MDM4: variants seen among roughly 807,000 people sequenced by gnomAD.
The protein encoded by MDM4 is protein Mdm4.
In MDM4, 2 loss-of-function variants were observed where a neutral mutation model predicts 60.2. That is an observed-to-expected ratio of 0.03 (90% confidence interval 0.01 to 0.10). The LOEUF (loss-of-function observed/expected upper bound fraction) is 0.10, where lower values mean the gene tolerates loss of function less well. Among genes scored for constraint, MDM4 ranks in the 10% least tolerant of loss-of-function variants. MDM4 has a pLI of 1.00. For synonymous variants in MDM4, 202 were observed against 198.1 expected, an observed-to-expected ratio of 1.02 and a Z score of -0.17; for missense variants, 447 against 577.5, an observed-to-expected ratio of 0.77 and a Z score of 2.32.
intron 1 of MDM4, among the ~76,000 whole-genome samples, chr1:204,523,012 G>A (rs1659723660): frequency 1.3e-5 from 2 of 151,608 alleles, no homozygotes; most frequent in Admixed American, 6.6e-5. Flanking sequence ...ACATGCATGT[G>A]CCACCACGCT....
At chr1:204,529,312 T>G (rs544895211) in intron 3 of MDM4, 1 of 769,330 alleles carries the variant, frequency 1.3e-6, no homozygotes, top group African/African-American at 1.7e-5. Context: ...GCCACTGTGA[T>G]CAGAGTCACC....
Position 204,544,532 on chromosome 1 carries a change from TAGGA to T in MDM4, c.673-2_674del. The stretch of plus-strand genomic sequence containing the variant: ...AAACTCATGTTTGTTTTTTTTCTGT[TAGGA>T]TGTGGGTACTGCCATTGTTTCAGAT... On this transcript the variant is annotated splice_acceptor_variant and coding_sequence_variant, in exon 9 of 11. Coordinates refer to ENST00000367182, the MANE Select transcript of MDM4 (RefSeq NM_002393.5). LOFTEE classifies it high-confidence loss of function. 1 of 1,598,646 alleles carries T rather than the reference TAGGA, an allele frequency of 6.3e-7. No homozygotes were observed. The highest frequency in any genetic ancestry group is 8.5e-7 in the Non-Finnish European group (1 of 1,169,914).
intron 10 of MDM4, 69 bp downstream of exon 10, chr1:204,546,946 CTTGTG>C (rs1193479418): frequency 2.8e-5 from 28 of 1,016,650 alleles, no homozygotes; most frequent in Non-Finnish European, 3.8e-5. Context: ...CAGCAGTTCA[CTTGTG>C]TTGAAGAGTG....
In MDM4 at chr1:204,551,245, C is replaced by T. The variant is rs949621950; in HGVS notation, c.*1563C>T. 1.8e-5 allele frequency: 4 copies of T among 216,956 alleles called. No homozygotes were observed. The highest frequency in any genetic ancestry group is 3.7e-5 in the Non-Finnish European group (4 of 108,370). The allele number at this position is 216,956 out of a possible 1,614,324, so 13.4% of individuals were successfully genotyped here. Reference sequence around the variant, plus strand: ...ATTTTTTGTACAGACAGCATTTTGCCATGTTGCCCAGGCTGGTCCCAAACT... The same window carrying T: ...ATTTTTTGTACAGACAGCATTTTGCTATGTTGCCCAGGCTGGTCCCAAACT... On this transcript the variant is annotated 3_prime_UTR_variant, in exon 11 of 11. Coordinates refer to ENST00000367182, the MANE Select transcript of MDM4 (RefSeq NM_002393.5).
At chr1:204,544,881 A>G (rs986721476) in intron 9 of MDM4, among the ~76,000 whole-genome samples, 197 bp downstream of exon 9, 3 of 152,118 alleles carry the variant, frequency 2.0e-5, no homozygotes, top group Admixed American at 6.5e-5. Flanking sequence ...TACTTAGTCA[A>G]AAGCAGTAAG....
intron 8 of MDM4, among the ~76,000 whole-genome samples, chr1:204,544,140 A>G (rs1662409613): frequency 6.6e-6 from 1 of 152,222 alleles, no homozygotes; most frequent in African/African-American, 2.4e-5. Flanking sequence ...ATCCTTGACC[A>G]TTTTAAGGGA....
chr1:204,518,707 T>A (rs1301301784), intron 1 of MDM4, among the ~76,000 whole-genome samples: 1 of 152,156 alleles, frequency 6.6e-6, no homozygotes, highest in East Asian at 1.9e-4. Flanking sequence ...CCCCTACCCC[T>A]GCCACTGGAG....
chr1:204,548,238 T>G (rs907436766), intron 10 of MDM4, among the ~76,000 whole-genome samples: 2 of 152,260 alleles, frequency 1.3e-5, no homozygotes, highest in Non-Finnish European at 2.9e-5. Context: ...TGTATAGCAT[T>G]TTAAATGAGA....
Position 204,553,285 on chromosome 1 carries a change from G to T in MDM4, c.*3603G>T. Reference sequence around the variant, plus strand: ...GCAAGGCATAGTTTATATGTGAAGTGTTCAGAGTTTACTGCTATAAGGAAA... The same window carrying T: ...GCAAGGCATAGTTTATATGTGAAGTTTTCAGAGTTTACTGCTATAAGGAAA... On this transcript the variant is annotated 3_prime_UTR_variant, in exon 11 of 11. Transcript: ENST00000367182. The T allele has an allele frequency of 4.8e-6, 1 of 208,474 alleles. No homozygotes were observed. Among genetic ancestry groups the T allele is most frequent in the Non-Finnish European group, 9.8e-6 (1 of 102,150 alleles). 12.9% of individuals were successfully genotyped at this position (208,474 alleles called of 1,614,324 possible). A position where few individuals can be genotyped will look rare whatever the true frequency, so the allele number is the denominator to read the frequency against.
intron 9 of MDM4, among the ~76,000 whole-genome samples, chr1:204,545,921 TTTA>T (rs1662612140): frequency 6.6e-6 from 1 of 152,106 alleles, no homozygotes; most frequent in African/African-American, 2.4e-5. Flanking sequence ...CATAATTGGT[TTTA>T]TTCTTTTTAT....
At position 204,549,265 on chromosome 1, in the gene MDM4, G is replaced by C. The variant is rs745829749; in HGVS notation, c.1056G>C (p.Lys352Asn). The C allele has an allele frequency of 4.3e-6, 7 of 1,614,150 alleles. No homozygotes were observed. Among genetic ancestry groups the C allele is most frequent in the Non-Finnish European group, 5.9e-6 (7 of 1,180,026 alleles). The change falls in exon 11 of 11, where the codon AAG (lysine) becomes AAC (asparagine). Residue 352 changes from lysine to asparagine, a missense_variant. By Grantham distance (94) the Lys-to-Asn change is moderately conservative. This residue lies in a region of MDM4 where 117 missense variants were observed against 114.5 expected (regional missense o/e 1.02). Coordinates refer to ENST00000367182, the MANE Select transcript of MDM4 (RefSeq NM_002393.5). Reference protein sequence around the residue: ...STSDITAIPEKENEGNDVPDC... With the variant: ...STSDITAIPENENEGNDVPDC... ...CTGATATCACTGCCATACCTGAAAA[G>C]GAAAATGAAGGAAATGATGTCCCTG...
Position 204,544,567 on chromosome 1 carries a change from A to G in MDM4, c.705A>G (p.Thr235=), listed in dbSNP as rs769271526. 4 of 1,613,470 alleles carry G rather than the reference A, an allele frequency of 2.5e-6. No homozygotes were observed. Among genetic ancestry groups the G allele is most frequent in the East Asian group, 2.2e-5 (1 of 44,834 alleles). ...DVGTAIVSDT[T]DDLWFLNESV... is the part of the protein sequence containing the mutation. ...GTACTGCCATTGTTTCAGATACTAC[A>G]GATGACTTGTGGTTTTTGAATGAGT... Residue 235 remains threonine, a synonymous_variant, in exon 9 of 11, where the codon ACA becomes ACG. Coordinates refer to ENST00000367182, the MANE Select transcript of MDM4 (RefSeq NM_002393.5).
chr1:204,548,323 C>T (rs1267041915), intron 10 of MDM4, among the ~76,000 whole-genome samples: 1 of 152,208 alleles, frequency 6.6e-6, no homozygotes, highest in African/African-American at 2.4e-5. Flanking sequence ...TGTGCCCTTG[C>T]CTCAGTCTGG....
intron 7 of MDM4, among the ~76,000 whole-genome samples, chr1:204,542,568 G>T (rs1333185568): frequency 6.6e-6 from 1 of 151,770 alleles, no homozygotes; most frequent in South Asian, 2.1e-4. Context: ...GATAAACGAT[G>T]ATCTGTTTGT....
intron 5 of MDM4, among the ~76,000 whole-genome samples, chr1:204,533,338 G>C (rs1661054744): frequency 6.6e-6 from 1 of 152,004 alleles, no homozygotes; most frequent in Non-Finnish European, 1.5e-5. Flanking sequence ...ATTGCCCTTT[G>C]AAGAAAGCCC....
rs1663052053 is a variant in MDM4 at position 204,550,011 on chromosome 1, C to CGA, written c.*331_*332dup. 7.9e-6 allele frequency: 2 copies of CGA among 252,256 alleles called. No individual in the cohort carries two copies. Among genetic ancestry groups the CGA allele is most frequent in the Admixed American group, 1.0e-4 (2 of 19,304 alleles). The allele number at this position is 252,256 out of a possible 1,614,324, so 15.6% of individuals were successfully genotyped here. ...AACATGATAAAGTGTTTCCTTCTAA[C>CGA]GAGTTGTAGAAATCTGAGTAACCAC... is the stretch of plus-strand genomic sequence containing the variant. On this transcript the variant is annotated 3_prime_UTR_variant, in exon 11 of 11. Coordinates refer to ENST00000367182, the MANE Select transcript of MDM4 (RefSeq NM_002393.5).
rs964207769 is a variant in MDM4 at position 204,542,858 on chromosome 1, G to C, written c.586G>C (p.Ala196Pro). ...LDLGFEEWDV[A>P]GLPWWFLGNL... ...CCTTGGATTTGAGGAGTGGGATGTAGCTGGCCTGCCTTGGTGGTTTTTAGG... is the reference window on the plus strand; with the variant it reads ...CCTTGGATTTGAGGAGTGGGATGTACCTGGCCTGCCTTGGTGGTTTTTAGG... The change falls in exon 8 of 11, where the codon GCT becomes CCT. Residue 196 changes from alanine to proline, a missense_variant. Transcript: ENST00000367182. The C allele has an allele frequency of 6.2e-7, 1 of 1,613,898 alleles. No individual in the cohort carries two copies. The highest frequency in any genetic ancestry group is 8.5e-7 in the Non-Finnish European group (1 of 1,179,886).
At position 204,551,568 on chromosome 1, in the gene MDM4, ATAT is replaced by A. The variant is rs1355558473; in HGVS notation, c.*1888_*1890del. 4.6e-6 allele frequency: 1 copy of A among 215,532 alleles called. No individual in the cohort carries two copies. The highest frequency in any genetic ancestry group is 9.0e-6 in the Non-Finnish European group (1 of 110,994). 13.4% of individuals were successfully genotyped at this position (215,532 alleles called of 1,614,324 possible). A position where few individuals can be genotyped will look rare whatever the true frequency, so the allele number is the denominator to read the frequency against. ...ATCTGAAGAGGCCTCATCAGAGCACATATTTTAGGACAACACATATGGAAATTG... is the reference window on the plus strand; with the variant it reads ...ATCTGAAGAGGCCTCATCAGAGCACATTTAGGACAACACATATGGAAATTG... On this transcript the variant is annotated 3_prime_UTR_variant, in exon 11 of 11. Transcript: ENST00000367182.
chr1:204,548,542 A>T (rs1662889842), intron 10 of MDM4, among the ~76,000 whole-genome samples: 9 of 152,218 alleles, frequency 5.9e-5, no homozygotes, highest in Admixed American at 3.3e-4. Context: ...AGAAGTAGGG[A>T]AAAATTACTT....
Sources: gnomAD v4.1 joint callset for allele counts (sites outside exome capture counted in the v4.1 genomes callset) on GRCh38, gnomAD v4.1.1 for gene constraint, gnomAD v4.1.1 regional missense constraint, MANE v1.5 for transcripts, NCBI Gene and HGNC (gene_info 2026-07-23, HGNC 2026-07-21) for gene names.